The following SLIT1 variants were observed in gnomAD, a reference collection of about 807,000 sequenced individuals.
SLIT1 encodes the protein slit guidance ligand 1, also known as slit homolog 1 protein.
Under a neutral mutation model 186.1 loss-of-function variants are expected in SLIT1, and 66 were observed. The ratio of observed to expected loss-of-function variants is 0.35; its 90% CI spans 0.29 to 0.44. The LOEUF (loss-of-function observed/expected upper bound fraction) is 0.44, where lower values mean the gene tolerates loss of function less well. Among genes scored for constraint, SLIT1 ranks in the 20% least tolerant of loss-of-function variants. SLIT1 has a pLI of 1.00. For missense variants in SLIT1, 1,638 were observed against 2,037.4 expected (o/e 0.80, Z 3.77); for synonymous variants, 761 against 833.8 (o/e 0.91, Z 1.50).
rs1241423653 is a variant in SLIT1, at chr10:97,000,113, G to A, written c.*999C>T. Reference sequence around the variant, plus strand: ...ATAGAGCCAGCAGGGACTTCCCAATGCCTGGAGCACTGTCCCTTCCACTGC... The same window carrying A: ...ATAGAGCCAGCAGGGACTTCCCAATACCTGGAGCACTGTCCCTTCCACTGC... On this transcript the variant is annotated 3_prime_UTR_variant, in exon 37 of 37. Transcript: ENST00000266058. 9.2e-5 allele frequency: 14 copies of A among 152,230 alleles called. No homozygotes were observed. The highest frequency in any genetic ancestry group is 9.2e-4 in the Admixed American group (14 of 15,282). The allele number at this position is 152,230 out of a possible 1,614,324, so 9.4% of individuals were successfully genotyped here. A position where few individuals can be genotyped will look rare whatever the true frequency, so the allele number is the denominator to read the frequency against.
chr10:97,034,449 C>T (rs1848620503), intron 23 of SLIT1, 22 bp downstream of exon 23: 1 of 1,600,170 alleles, frequency 6.2e-7, no homozygotes, highest in African/African-American at 1.3e-5. Context: ...GGGCCCCCCA[C>T]CCCAGCCCTG....
chr10:97,170,949 T>A (rs1850179632), intron 1 of SLIT1, among the ~76,000 whole-genome samples: 1 of 152,016 alleles, frequency 6.6e-6, no homozygotes, highest in South Asian at 2.1e-4. Flanking sequence ...TCACAATTTC[T>A]CACCCTGGAG....
intron 4 of SLIT1, among the ~76,000 whole-genome samples, chr10:97,156,756 T>A (rs1849957241): frequency 6.6e-6 from 1 of 152,094 alleles, no homozygotes; most frequent in Non-Finnish European, 1.5e-5. Context: ...AGCACTCAGG[T>A]AACCTTAGGG....
At chr10:97,107,192 C>T (rs1473301480) in intron 4 of SLIT1, among the ~76,000 whole-genome samples, 1 of 152,230 alleles carries the variant, frequency 6.6e-6, no homozygotes, top group Admixed American at 6.5e-5. Context: ...GAGGGAAGTA[C>T]CCCAGCTGCA....
intron 30 of SLIT1, among the ~76,000 whole-genome samples, chr10:97,011,634 C>T (rs1479889835): frequency 6.6e-6 from 1 of 152,146 alleles, no homozygotes; most frequent in Non-Finnish European, 1.5e-5. Context: ...TCAGGTAAGC[C>T]CCCAGCTTCC....
intron 3 of SLIT1, among the ~76,000 whole-genome samples, chr10:97,162,349 C>T (rs190434435): frequency 9.8e-5 from 15 of 152,316 alleles, no homozygotes; most frequent in Admixed American, 9.2e-4. Context: ...GTGGCTCACG[C>T]CTGTAATCCT....
intron 11 of SLIT1, 150 bp from the exon 12 acceptor site, chr10:97,057,431 C>A: frequency 1.6e-6 from 1 of 617,804 alleles, no homozygotes; most frequent in Non-Finnish European, 2.9e-6. Flanking sequence ...AGCAACTTGT[C>A]CACAGATGAC....
chr10:97,164,800 G>A lies in SLIT1; in HGVS notation c.269+19C>T. The stretch of plus-strand genomic sequence containing the variant: ...TGGCATTGCCAGGGGTGGGGTGGGA[G>A]GGAGCACCCCATACTCACAGCACCC... On this transcript the variant is annotated intron_variant, in intron 2 of 36. Coordinates refer to ENST00000266058, the MANE Select transcript of SLIT1 (RefSeq NM_003061.3). 2 of 1,584,452 alleles carry A rather than the reference G, an allele frequency of 1.3e-6. No homozygotes were observed. Among genetic ancestry groups the A allele is most frequent in the Non-Finnish European group, 1.7e-6 (2 of 1,153,130 alleles).
Position 97,014,039 on chromosome 10 carries a change from T to G in SLIT1, c.3089A>C (p.Gln1030Pro). 1 of 1,613,518 alleles carries G rather than the reference T, an allele frequency of 6.2e-7. No individual in the cohort carries two copies. The highest frequency in any genetic ancestry group is 8.5e-7 in the Non-Finnish European group (1 of 1,180,000). ...CTTACCCTCATACTGCAGGGGGCAC[T>G]GGCAGGTGTAGTTGCCCACACCATC... ...CVDGVGNYTC[Q>P]CPLQYEGKAC... is the part of the protein sequence containing the mutation. The change falls in exon 29 of 37, where the codon CAG (glutamine) becomes CCG (proline). Residue 1030 changes from glutamine (Q) to proline (P), a missense_variant. Around this residue, in one of 3 missense-constraint regions of SLIT1, gnomAD observed 1,245 missense variants for 1,535.3 expected, o/e 0.81. Transcript: ENST00000266058.
intron 4 of SLIT1, among the ~76,000 whole-genome samples, chr10:97,086,869 C>T (rs1849165421): frequency 2.0e-5 from 3 of 152,130 alleles, no homozygotes; most frequent in African/African-American, 7.2e-5. Context: ...ATAGAGTCTG[C>T]AACACCAAGA....
intron 30 of SLIT1, among the ~76,000 whole-genome samples, chr10:97,012,682 G>A (rs117061708): frequency 0.012 from 1,792 of 152,318 alleles, 23 homozygotes; most frequent in Non-Finnish European, 0.019. Context: ...TACAGCGTCC[G>A]TCTACCATTT....
At chr10:97,156,348 C>G (rs1240304520) in intron 4 of SLIT1, among the ~76,000 whole-genome samples, 2 of 152,146 alleles carry the variant, frequency 1.3e-5, no homozygotes, top group African/African-American at 2.4e-5. Context: ...AAGGCTGAGG[C>G]TGGTGGATCG....
chr10:97,023,214 CT>C (rs1359480252), intron 25 of SLIT1, among the ~76,000 whole-genome samples: 1 of 150,320 alleles, frequency 6.7e-6, no homozygotes, highest in African/African-American at 2.5e-5. Context: ...CCACGCCCAC[CT>C]AATTTTTTTT....
intron 4 of SLIT1, among the ~76,000 whole-genome samples, chr10:97,144,623 C>T (rs936135500): frequency 9.2e-5 from 14 of 152,128 alleles, no homozygotes; most frequent in African/African-American, 3.4e-4. Context: ...GGGCAGGCCC[C>T]GCTAAGTCAG....
intron 4 of SLIT1, chr10:97,102,869 C>A (rs1025879804): frequency 6.6e-6 from 1 of 152,226 alleles, no homozygotes; most frequent in African/African-American, 2.4e-5. Context: ...GTTTCCATAT[C>A]TCCACTGTGA....
chr10:97,157,705 C>T (rs1380940175), intron 4 of SLIT1, 113 bp downstream of exon 4: 2 of 788,226 alleles, frequency 2.5e-6, no homozygotes, highest in African/African-American at 1.7e-5. Flanking sequence ...AGGGGAGGAG[C>T]ACAGGGTCAG....
At chr10:97,009,972 G>A (rs1164492416) in intron 31 of SLIT1, among the ~76,000 whole-genome samples, 1 of 152,178 alleles carries the variant, frequency 6.6e-6, no homozygotes, top group Non-Finnish European at 1.5e-5. Context: ...TGGGAATTGT[G>A]CAGCCATTAG....
intron 1 of SLIT1, among the ~76,000 whole-genome samples, chr10:97,180,789 AAG>A (rs1255120593): frequency 6.6e-6 from 1 of 152,254 alleles, no homozygotes; most frequent in African/African-American, 2.4e-5. Context: ...GACAGACTGC[AAG>A]AGAGGCAACA....
intron 25 of SLIT1, among the ~76,000 whole-genome samples, chr10:97,026,438 T>C (rs1848546057): frequency 6.6e-6 from 1 of 151,772 alleles, no homozygotes; most frequent in African/African-American, 2.4e-5. Context: ...CACTCCAGCC[T>C]GGGCGATAAG....
Sources: allele counts gnomAD v4.1 joint callset (sites outside exome capture counted in the v4.1 genomes callset), GRCh38; gene constraint gnomAD v4.1.1; regional missense constraint gnomAD v4.1.1; transcripts MANE v1.5; gene names NCBI Gene and HGNC (gene_info 2026-07-23, HGNC 2026-07-21).